Variants in TCF20 observed in about 807,000 individuals in gnomAD.
The protein encoded by TCF20 is transcription factor 20, also known as SPRE-binding protein.
TCF20 carries 3 observed loss-of-function variants against 148.6 expected under a neutral mutation model. The ratio of observed to expected loss-of-function variants is 0.02; its 90% confidence interval spans 0.01 to 0.05. TCF20 has a LOEUF of 0.05. TCF20 is among the 10% of genes least tolerant of loss of function. The pLI is 1.00. For missense variants in TCF20, 2,350 were observed against 2,429.3 expected (o/e 0.97, Z 0.69); for synonymous variants, 1,049 against 909.5 (o/e 1.15, Z -2.76).
At chr22:42,177,224 G>C (rs769249303) in intron 3 of TCF20, among the ~76,000 whole-genome samples, 9 of 152,126 alleles carry the variant, frequency 5.9e-5, no homozygotes, top group Non-Finnish European at 1.3e-4. Context: ...AAACCAGCCT[G>C]GCCAACATGG....
intron 1 of TCF20, among the ~76,000 whole-genome samples, chr22:42,335,979 T>A (rs538723934): frequency 2.6e-5 from 4 of 152,188 alleles, no homozygotes; most frequent in African/African-American, 4.8e-5. Flanking sequence ...AATACAGTCC[T>A]GGCACCCACC....
chr22:42,338,061 C>T lies in TCF20; in HGVS notation c.-37+5418G>A, dbSNP rs116744910. Among the ~76,000 whole-genome samples, 563 of 152,286 alleles carry T rather than the reference C, an allele frequency of 3.7e-3. 7 individuals carry two copies. Among genetic ancestry groups the T allele is most frequent in the African/African-American group, 0.013 (526 of 41,556 alleles). On this transcript the variant is annotated intron_variant, in intron 1 of 1. Coordinates refer to the TCF20 transcript ENST00000515426. This position sits in a 1 kb window ranked among gnomAD's most constrained non-coding sequence, Gnocchi z 4.0. Reference sequence around the variant, plus strand: ...CAGAGGGAGGGGGTACTGGGCCCCACCTGGGTCCAGTGGGGGCATGCGTCC... The same window carrying T: ...CAGAGGGAGGGGGTACTGGGCCCCATCTGGGTCCAGTGGGGGCATGCGTCC...
At position 42,212,960 on chromosome 22, in the gene TCF20, T is replaced by C; in HGVS notation, c.2346A>G (p.Leu782=). 6.2e-7 allele frequency: 1 copy of C among 1,614,196 alleles called. No individual in the cohort carries two copies. The highest frequency in any genetic ancestry group is 8.5e-7 in the Non-Finnish European group (1 of 1,180,026). The change falls in exon 2 of 6, where the codon CTA becomes CTG. Residue 782 remains leucine (L), a synonymous_variant. Transcript: ENST00000677622. ...TQEHQGMAGS[L]EGTTRPNVLV... ...AGACATTGGGCCTTGTGGTTCCTTCTAGGCTACCAGCCATCCCCTGATGCT... is the reference window on the plus strand; with the variant it reads ...AGACATTGGGCCTTGTGGTTCCTTCCAGGCTACCAGCCATCCCCTGATGCT...
At chr22:42,239,820 A>AT in intron 1 of TCF20, among the ~76,000 whole-genome samples, 1 of 152,206 alleles carries the variant, frequency 6.6e-6, no homozygotes, top group Admixed American at 6.5e-5. Flanking sequence ...AATGAATAAA[A>AT]TGTTTAAAAT....
chr22:42,237,224 T>G (rs1007094968), intron 1 of TCF20, among the ~76,000 whole-genome samples: 1 of 152,348 alleles, frequency 6.6e-6, no homozygotes, highest in Non-Finnish European at 1.5e-5. Flanking sequence ...TTATGTAATA[T>G]TCTAAATCTT....
At chr22:42,341,398 G>A (rs1012888836) in intron 1 of TCF20, among the ~76,000 whole-genome samples, 37 of 152,216 alleles carry the variant, frequency 2.4e-4, no homozygotes, top group African/African-American at 7.7e-4. Context: ...ATGGGGCAAG[G>A]GAGGCTGGAG....
At chr22:42,162,262 C>A (rs1484640354) in intron 5 of TCF20, among the ~76,000 whole-genome samples, 1 of 152,094 alleles carries the variant, frequency 6.6e-6, no homozygotes, top group Non-Finnish European at 1.5e-5. Context: ...CAGGCGTGAG[C>A]CACTACACCT....
At chr22:42,276,610 G>A (rs896088454) in intron 1 of TCF20, 8 of 152,230 alleles carry the variant, frequency 5.3e-5, no homozygotes, top group Non-Finnish European at 1.0e-4. Flanking sequence ...CAGGTGCAGG[G>A]ATGCAGAGCT....
chr22:42,213,175 C>A lies in TCF20; in HGVS notation c.2131G>T (p.Asp711Tyr), dbSNP rs1351242562. 6.2e-7 allele frequency: 1 copy of A among 1,614,212 alleles called. No homozygotes were observed. Among genetic ancestry groups the A allele is most frequent in the Admixed American group, 1.7e-5 (1 of 60,016 alleles). The change falls in exon 2 of 6, where the codon GAT becomes TAT. Residue 711 changes from aspartate to tyrosine, a missense_variant. By Grantham distance (160) the Asp-to-Tyr change is radical. This residue lies in a region of TCF20 where 1,641 missense variants were observed against 1,662.6 expected (regional missense o/e 0.99). Coordinates refer to ENST00000677622, the MANE Select transcript of TCF20 (RefSeq NM_001378418.1). ...CGTGGCACGGCTGACCCGAAACTAT[C>A]TTTGTAACTATAGCGCAGACTTCCA... Reference protein sequence around the residue: ...SPGSLRYSYKDSFGSAVPRNV... With the variant: ...SPGSLRYSYKYSFGSAVPRNV...
upstream of TCF20, chr22:42,274,697 T>G (rs1926733073): frequency 6.6e-6 from 1 of 152,288 alleles, no homozygotes; most frequent in Non-Finnish European, 1.5e-5. Flanking sequence ...GCCCCTCCAC[T>G]CTGCCCTCCA....
At chr22:42,222,503 C>A (rs1922472318) in intron 1 of TCF20, among the ~76,000 whole-genome samples, 1 of 152,150 alleles carries the variant, frequency 6.6e-6, no homozygotes, top group Admixed American at 6.5e-5. Context: ...CCCATAGGCC[C>A]TGAAGCCCTG....
At chr22:42,235,047 C>G (rs1923755645) in intron 1 of TCF20, among the ~76,000 whole-genome samples, 3 of 149,800 alleles carry the variant, frequency 2.0e-5, no homozygotes, top group African/African-American at 7.4e-5. Flanking sequence ...GAGGCTGAGG[C>G]AGGAGAATTG....
At chr22:42,192,001 A>C (rs1366988866) in intron 2 of TCF20, among the ~76,000 whole-genome samples, 1 of 152,160 alleles carries the variant, frequency 6.6e-6, no homozygotes, top group Non-Finnish European at 1.5e-5. Context: ...TTTTTATTTT[A>C]CCCTTTGCTC....
intron 1 of TCF20, among the ~76,000 whole-genome samples, chr22:42,268,615 G>A (rs949397869): frequency 1.3e-5 from 2 of 152,214 alleles, no homozygotes; most frequent in Admixed American, 6.5e-5. Context: ...AATCCCCTGC[G>A]TAGAAAGATC....
chr22:42,336,261 G>C (rs1928065939), intron 1 of TCF20, among the ~76,000 whole-genome samples: 1 of 152,096 alleles, frequency 6.6e-6, no homozygotes, highest in African/African-American at 2.4e-5. Context: ...GGACTGACCT[G>C]GCATGGCTCG....
chr22:42,223,828 G>A (rs550882476), intron 1 of TCF20, among the ~76,000 whole-genome samples: 1 of 152,304 alleles, frequency 6.6e-6, no homozygotes, highest in Non-Finnish European at 1.5e-5. Context: ...GATCTGCTCA[G>A]TGACTTAATA....
intron 2 of TCF20, among the ~76,000 whole-genome samples, chr22:42,180,358 T>G (rs1936710603): frequency 6.6e-6 from 1 of 152,140 alleles, no homozygotes; most frequent in Non-Finnish European, 1.5e-5. Flanking sequence ...GAGACATTAT[T>G]TTGTAATTGA....
chr22:42,314,285 C>T (rs1033534421), intron 1 of TCF20, among the ~76,000 whole-genome samples: 2 of 152,260 alleles, frequency 1.3e-5, no homozygotes, highest in Non-Finnish European at 2.9e-5. Context: ...ATGCCTAATG[C>T]GAATCGCTTC....
chr22:42,200,256 T>TC (rs1937909408), intron 2 of TCF20, among the ~76,000 whole-genome samples: 1 of 152,116 alleles, frequency 6.6e-6, no homozygotes, highest in Non-Finnish European at 1.5e-5. Flanking sequence ...ACCCCTCACC[T>TC]CGCCCACTGA....
Sources: allele counts gnomAD v4.1 joint callset (sites outside exome capture counted in the v4.1 genomes callset), GRCh38; gene constraint gnomAD v4.1.1; regional missense constraint gnomAD v4.1.1; non-coding constraint Gnocchi (gnomAD v3.1); transcripts MANE v1.5; gene names NCBI Gene and HGNC (gene_info 2026-07-23, HGNC 2026-07-21).